S1PR2: variants seen among roughly 807,000 people sequenced by gnomAD.
S1PR2 encodes the protein sphingosine-1-phosphate receptor 2.
Under a neutral mutation model 16.1 loss-of-function variants are expected in S1PR2, and 9 were observed. The observed-to-expected ratio is 0.56, with a 90% CI of 0.34 to 0.98. The LOEUF (loss-of-function observed/expected upper bound fraction) is 0.98, where lower values mean the gene tolerates loss of function less well. Ranked by LOEUF, S1PR2 falls within the 50% of genes least tolerant of loss-of-function variation. S1PR2 has a pLI of 0.02. For synonymous variants in S1PR2, 224 were observed against 233.9 expected (o/e 0.96, Z 0.38); for missense variants, 361 against 488.4 (o/e 0.74, Z 2.46).
intron 1 of S1PR2, among the ~76,000 whole-genome samples, chr19:10,228,294 C>G (rs908136471): frequency 1.1e-4 from 16 of 151,838 alleles, no homozygotes; most frequent in African/African-American, 3.9e-4. Flanking sequence ...GCCTGGGTGA[C>G]AGAGCGAGAC....
Position 10,224,144 on chromosome 19 carries a change from A to G in S1PR2, c.762T>C (p.Leu254=). ...AGTGGACGGGACAGGCATAGTCCAG[A>G]AGGAGGATGCTGAAGGCGGGCAGCC... is the stretch of plus-strand genomic sequence containing the variant. ...VCWLPAFSIL[L]LDYACPVHSC... Residue 254 remains leucine (L), a synonymous_variant, in exon 2 of 2, where the codon CTT becomes CTC. Transcript: ENST00000646641. 2 of 1,605,784 alleles carry G rather than the reference A, an allele frequency of 1.2e-6. No homozygotes were observed. Among genetic ancestry groups the G allele is most frequent in the Admixed American group, 3.3e-5 (2 of 60,018 alleles).
intron 1 of S1PR2, chr19:10,230,633 G>C (rs1599238894): frequency 6.5e-6 from 1 of 152,828 alleles, no homozygotes; most frequent in Admixed American, 6.5e-5. Flanking sequence ...CCATCCCTGA[G>C]CCGGAGTTGA....
intron 1 of S1PR2, among the ~76,000 whole-genome samples, chr19:10,225,390 A>ATTTTTTTT (rs35464657): frequency 7.4e-5 from 6 of 80,574 alleles, no homozygotes; most frequent in Non-Finnish European, 1.1e-4. Flanking sequence ...CGCCTGGCTA[A>ATTTTTTTT]TTTTTTTTTT....
In S1PR2 at chr19:10,222,759, G is replaced by A. The variant is rs2039601038; in HGVS notation, c.*1085C>T. On this transcript the variant is annotated 3_prime_UTR_variant, in exon 2 of 2. Coordinates refer to ENST00000646641, the MANE Select transcript of S1PR2 (RefSeq NM_004230.4). ...AGAGAGGAGGCCTCTAGCTCCTCAG[G>A]ACAGTGGTTCTGTAGTCGCACGAAG... is the stretch of plus-strand genomic sequence containing the variant. 1 of 152,388 alleles carries A rather than the reference G, an allele frequency of 6.6e-6. No homozygotes were observed. The highest frequency in any genetic ancestry group is 2.1e-4 in the South Asian group (1 of 4,828). 9.4% of individuals were successfully genotyped at this position (152,388 alleles called of 1,614,324 possible). A position where few individuals can be genotyped will look rare whatever the true frequency, so the allele number is the denominator to read the frequency against.
At position 10,223,822 on chromosome 19, in the gene S1PR2, G is replaced by A; in HGVS notation, c.*22C>T. The A allele has an allele frequency of 1.3e-6, 2 of 1,519,702 alleles. No individual in the cohort carries two copies. Among genetic ancestry groups the A allele is most frequent in the Non-Finnish European group, 1.8e-6 (2 of 1,135,792 alleles). The allele number at this position is 1,519,702 out of a possible 1,614,324, so 94.1% of individuals were successfully genotyped here. On this transcript the variant is annotated 3_prime_UTR_variant, in exon 2 of 2. Coordinates refer to ENST00000646641, the MANE Select transcript of S1PR2 (RefSeq NM_004230.4). The stretch of plus-strand genomic sequence containing the variant: ...TCCATGAACCCCTCTGCCCTGGCCT[G>A]GTTGTTGGTCCACCCCCACCCTCAG...
chr19:10,223,602 G>A lies in S1PR2; in HGVS notation c.*242C>T. On this transcript the variant is annotated 3_prime_UTR_variant, in exon 2 of 2. Coordinates refer to ENST00000646641, the MANE Select transcript of S1PR2 (RefSeq NM_004230.4). ...CAGGTCCCCTGCCCTGGCCTCCCCA[G>A]GATCCAGTTCTAAAGGGGTCACACT... 2.1e-6 allele frequency: 1 copy of A among 470,190 alleles called. No homozygotes were observed. The highest frequency in any genetic ancestry group is 3.7e-6 in the Non-Finnish European group (1 of 269,082). The allele number at this position is 470,190 out of a possible 1,614,324, so 29.1% of individuals were successfully genotyped here. A position where few individuals can be genotyped will look rare whatever the true frequency, so the allele number is the denominator to read the frequency against.
At chr19:10,230,509 G>A (rs2039666497) in intron 1 of S1PR2, 1 of 154,528 alleles carries the variant, frequency 6.5e-6, no homozygotes, top group Non-Finnish European at 1.5e-5. Context: ...AGACAGAGGA[G>A]GGGGTGGAAA....
chr19:10,224,047 T>C lies in S1PR2; in HGVS notation c.859A>G (p.Ile287Val). The change falls in exon 2 of 2, where the codon ATC becomes GTC. Residue 287 changes from isoleucine (I) to valine (V), a missense_variant. Physicochemically the swap from Ile to Val is conservative, Grantham distance 29 (BLOSUM62 3). Coordinates refer to ENST00000646641, the MANE Select transcript of S1PR2 (RefSeq NM_004230.4). ...STLNSLLNPVIYTWRSRDLRR... is the reference protein window; with the variant it reads ...STLNSLLNPVVYTWRSRDLRR... ...AGGTCCCGGCTGCGCCACGTGTAGA[T>C]GACGGGGTTGAGCAGGGAATTCAGG... is the stretch of plus-strand genomic sequence containing the variant. The C allele has an allele frequency of 2.5e-6, 4 of 1,611,192 alleles. No individual in the cohort carries two copies. Among genetic ancestry groups the C allele is most frequent in the Non-Finnish European group, 3.4e-6 (4 of 1,180,010 alleles).
rs746867139 is a variant in S1PR2 at position 10,223,870 on chromosome 19, A to G, written c.1036T>C (p.Phe346Leu). The G allele has an allele frequency of 6.5e-7, 1 of 1,548,618 alleles. No homozygotes were observed. The highest frequency in any genetic ancestry group is 2.3e-5 in the East Asian group (1 of 44,360). The change falls in exon 2 of 2, where the codon TTT becomes CTT. Residue 346 changes from phenylalanine (F) to leucine (L), a missense_variant. By Grantham distance (22) the Phe-to-Leu change is conservative. Coordinates refer to ENST00000646641, the MANE Select transcript of S1PR2 (RefSeq NM_004230.4). ...RGMHMPTSPT[F>L]LEGNTVV is the part of the protein sequence containing the mutation. ...CAGACCACCGTGTTGCCCTCCAGAA[A>G]CGTGGGTGACGTGGGCATGTGCATG...
In S1PR2 at chr19:10,231,216, G is replaced by A. The variant is rs1006382081; in HGVS notation, c.-55C>T. On this transcript the variant is annotated 5_prime_UTR_variant, in exon 1 of 2. Coordinates refer to ENST00000646641, the MANE Select transcript of S1PR2 (RefSeq NM_004230.4). ...CACGCGCGCTCACCTGGCTAGGCCG[G>A]CCCGGCTCCCGGCCCTGGCCGGAGG... The A allele has an allele frequency of 2.0e-5, 3 of 152,490 alleles. No homozygotes were observed. The highest frequency in any genetic ancestry group is 3.4e-3 in the Middle Eastern group (1 of 290). The allele number at this position is 152,490 out of a possible 1,614,324, so 9.4% of individuals were successfully genotyped here.
At chr19:10,230,941 G>A (rs2039672810) in intron 1 of S1PR2, among the ~76,000 whole-genome samples, 1 of 152,260 alleles carries the variant, frequency 6.6e-6, no homozygotes, top group African/African-American at 2.4e-5. Context: ...CCAGTCGAAA[G>A]CGCTCGGATT....
At chr19:10,229,043 G>C (rs886778611) in intron 1 of S1PR2, among the ~76,000 whole-genome samples, 1 of 151,906 alleles carries the variant, frequency 6.6e-6, no homozygotes, top group Admixed American at 6.6e-5. Context: ...CCCCTACCCT[G>C]CCATTCTCTA....
At position 10,223,514 on chromosome 19, in the gene S1PR2, G is replaced by C. The variant is rs754654557; in HGVS notation, c.*330C>G. The C allele has an allele frequency of 3.1e-6, 1 of 323,664 alleles. No individual in the cohort carries two copies. Among genetic ancestry groups the C allele is most frequent in the Middle Eastern group, 8.6e-4 (1 of 1,160 alleles). The allele number at this position is 323,664 out of a possible 1,614,324, so 20.0% of individuals were successfully genotyped here. The stretch of plus-strand genomic sequence containing the variant: ...AAAAAAAAAAAATCCTTTGTACCAG[G>C]TGGTAAAGTGCTCCTGCCCTGAGCT... On this transcript the variant is annotated 3_prime_UTR_variant, in exon 2 of 2. Coordinates refer to ENST00000646641, the MANE Select transcript of S1PR2 (RefSeq NM_004230.4).
At chr19:10,230,994 G>C in intron 1 of S1PR2, among the ~76,000 whole-genome samples, 1 of 152,342 alleles carries the variant, frequency 6.6e-6, no homozygotes, top group Admixed American at 6.5e-5. Context: ...TGAGAAAGGC[G>C]GGGAGCACAG....
chr19:10,224,976 C>T (rs1158670580), intron 1 of S1PR2, 29 bp from the exon 2 acceptor site: 1 of 1,294,560 alleles, frequency 7.7e-7, no homozygotes, highest in South Asian at 1.3e-5. Context: ...GACAGACAGA[C>T]AATAGGTCAG....
At chr19:10,225,975 TACAC>T (rs2039632058) in intron 1 of S1PR2, among the ~76,000 whole-genome samples, 2 of 152,028 alleles carry the variant, frequency 1.3e-5, no homozygotes, top group African/African-American at 4.8e-5. Flanking sequence ...CCTGAGTAGC[TACAC>T]GCTTTCAAAG....
At chr19:10,231,048 T>G (rs1362255479) in intron 1 of S1PR2, among the ~76,000 whole-genome samples, 156 bp downstream of exon 1, 1 of 152,146 alleles carries the variant, frequency 6.6e-6, no homozygotes, top group African/African-American at 2.4e-5. Context: ...CCCGGATTCT[T>G]GGAGAGGGCG....
chr19:10,230,639 G>A (rs2039668589), intron 1 of S1PR2, among the ~76,000 whole-genome samples: 1 of 152,362 alleles, frequency 6.6e-6, no homozygotes, highest in African/African-American at 2.4e-5. Context: ...CTGAGCCGGA[G>A]TTGAAAGAGG....
At chr19:10,227,290 G>C (rs899169821) in intron 1 of S1PR2, among the ~76,000 whole-genome samples, 8 of 152,094 alleles carry the variant, frequency 5.3e-5, no homozygotes, top group Admixed American at 1.3e-4. Flanking sequence ...CAGTTCTCCT[G>C]AGCCCAGGAG....
Sources: allele counts gnomAD v4.1 joint callset (sites outside exome capture counted in the v4.1 genomes callset), GRCh38; gene constraint gnomAD v4.1.1; transcripts MANE v1.5; gene names NCBI Gene and HGNC (gene_info 2026-07-23, HGNC 2026-07-21).